The following SPRED2 variants were observed in gnomAD, a reference collection of about 807,000 sequenced individuals.
SPRED2 encodes the protein sprouty related EVH1 domain containing 2.
In SPRED2, 47 loss-of-function variants were observed where a neutral mutation model predicts 43.0. The observed-to-expected ratio is 1.09, with a 90% CI of 0.87 to 1.40. SPRED2 has a LOEUF of 1.40. SPRED2 is among the 40% of genes most tolerant of loss of function. SPRED2 has a pLI of 0.00. For synonymous variants in SPRED2, 225 were observed against 225.7 expected (o/e 1.00, Z 0.03); for missense variants, 561 against 586.4 (o/e 0.96, Z 0.45).
In SPRED2 at chr2:65,344,796, C is replaced by A; in HGVS notation, c.127G>T (p.Val43Phe). ...CCTTCGGGGTGCATGACCTTACAGA[C>A]CCCGACGCGACTGATCCCGCCTCCT... The part of the protein sequence containing the change: ...QEGGGISRVG[V>F]CKVMHPEGNG... Residue 43 changes from valine to phenylalanine, a missense_variant, in exon 2 of 6, where the codon GTC becomes TTC. Val to Phe is a conservative substitution (Grantham distance 50). Around this residue, in one of 6 missense-constraint regions of SPRED2, gnomAD observed 305 missense variants for 282.4 expected, o/e 1.08. Coordinates refer to ENST00000356388, the MANE Select transcript of SPRED2 (RefSeq NM_181784.3). 6.2e-7 allele frequency: 1 copy of A among 1,614,140 alleles called. No homozygotes were observed. Among genetic ancestry groups the A allele is most frequent in the Non-Finnish European group, 8.5e-7 (1 of 1,180,008 alleles).
chr2:65,334,470 G>T, intron 3 of SPRED2, 135 bp downstream of exon 3: 1 of 1,002,400 alleles, frequency 1.0e-6, no homozygotes, highest in Non-Finnish European at 1.5e-6. Flanking sequence ...AATTCCAAAA[G>T]TTTTGGCATC....
chr2:65,337,917 G>GT (rs1011734053), intron 2 of SPRED2, among the ~76,000 whole-genome samples: 13 of 151,994 alleles, frequency 8.6e-5, no homozygotes, highest in African/African-American at 2.4e-4. Context: ...AAAAAATGTA[G>GT]TTTTTTTGAT....
chr2:65,420,371 CAA>C (rs1353572230), intron 1 of SPRED2, among the ~76,000 whole-genome samples: 3 of 152,106 alleles, frequency 2.0e-5, no homozygotes, highest in African/African-American at 7.2e-5. Context: ...TGGGGGGAAA[CAA>C]AGGGGCCTCT....
chr2:65,416,906 G>A (rs1572903688), intron 1 of SPRED2, among the ~76,000 whole-genome samples: 2 of 152,224 alleles, frequency 1.3e-5, no homozygotes, highest in African/African-American at 4.8e-5. Context: ...CACTTTATTC[G>A]GAGTTAACCT....
chr2:65,318,058 G>A (rs1189385866), intron 4 of SPRED2, among the ~76,000 whole-genome samples: 2 of 152,128 alleles, frequency 1.3e-5, no homozygotes, highest in Non-Finnish European at 1.5e-5. Context: ...CTGCTGGGAG[G>A]TAAGTGAATC....
intron 2 of SPRED2, among the ~76,000 whole-genome samples, chr2:65,339,425 C>A (rs921410736): frequency 6.6e-6 from 1 of 151,330 alleles, no homozygotes; most frequent in Non-Finnish European, 1.5e-5. Flanking sequence ...TATGACCTTA[C>A]CCCCAACCCT....
intron 4 of SPRED2, among the ~76,000 whole-genome samples, chr2:65,319,712 T>C (rs1673356737): frequency 6.6e-6 from 1 of 152,014 alleles, no homozygotes; most frequent in Admixed American, 6.5e-5. Flanking sequence ...GTGTGAGTGC[T>C]TATGGTGTGC....
intron 1 of SPRED2, among the ~76,000 whole-genome samples, chr2:65,423,927 T>A (rs13002235): frequency 1.8e-3 from 279 of 152,166 alleles, no homozygotes; most frequent in Non-Finnish European, 3.5e-3. Context: ...GTAGCTGGGA[T>A]TACAGGCATG....
rs772801002 is a variant in SPRED2, at chr2:65,314,137, G to C, written c.621C>G (p.Phe207Leu). The C allele has an allele frequency of 1.9e-6, 3 of 1,601,738 alleles. No individual in the cohort carries two copies. Among genetic ancestry groups the C allele is most frequent in the South Asian group, 1.1e-5 (1 of 90,716 alleles). ...PMPRPYRQVS[F>L]PDDDEEIVRI... ...GCACGATCTCCTCGTCGTCGTCCGG[G>C]AAGCTCACCTGGCGGTAGGGCCTTG... Residue 207 changes from phenylalanine (F) to leucine (L), a missense_variant, in exon 6 of 6, where the codon TTC (phenylalanine) becomes TTG (leucine). Physicochemically the swap from Phe to Leu is conservative, Grantham distance 22. This residue lies in a region of SPRED2 where 305 missense variants were observed against 282.4 expected (regional missense o/e 1.08). Transcript: ENST00000356388.
intron 1 of SPRED2, among the ~76,000 whole-genome samples, chr2:65,362,719 G>A (rs1007918791): frequency 6.6e-6 from 1 of 152,046 alleles, no homozygotes; most frequent in Non-Finnish European, 1.5e-5. Flanking sequence ...TTAGCCAGGC[G>A]TGGTGGTGCA....
chr2:65,416,923 C>CAGTG (rs957931384), intron 1 of SPRED2, among the ~76,000 whole-genome samples: 2 of 152,170 alleles, frequency 1.3e-5, no homozygotes, highest in Admixed American at 1.3e-4. Flanking sequence ...ACCTATGGTG[C>CAGTG]AGTGGCCTTA....
intron 1 of SPRED2, among the ~76,000 whole-genome samples, chr2:65,363,231 C>T (rs1355885119): frequency 1.0e-5 from 1 of 98,820 alleles, no homozygotes; most frequent in Non-Finnish European, 1.9e-5. Context: ...AAGAGCAAAA[C>T]TCCGTCTCAA....
Position 65,317,444 on chromosome 2 carries a change from C to T in SPRED2, c.439-561G>A, listed in dbSNP as rs140336091. On this transcript the variant is annotated intron_variant, in intron 4 of 5. Coordinates refer to ENST00000356388, the MANE Select transcript of SPRED2 (RefSeq NM_181784.3). ...AGGAGAATTGTTTGAACCCGGGAAG[C>T]GGAGGCTGCAGTGAGCCAAGACTGA... 1.7e-3 allele frequency among the ~76,000 whole-genome samples: 265 copies of T among 152,102 alleles called. 1 individual carries two copies. Among genetic ancestry groups the T allele is most frequent in the Non-Finnish European group, 2.9e-3 (198 of 67,986 alleles).
In SPRED2 at chr2:65,313,399, C is replaced by T. The variant is rs1434816695; in HGVS notation, c.*102G>A. 4 of 1,505,204 alleles carry T rather than the reference C, an allele frequency of 2.7e-6. No homozygotes were observed. In the East Asian group the frequency reaches 6.8e-5, roughly 26 times the overall value. 93.2% of individuals were successfully genotyped at this position (1,505,204 alleles called of 1,614,324 possible). A position where few individuals can be genotyped will look rare whatever the true frequency, so the allele number is the denominator to read the frequency against. ...AGGGAGCTGGGAGGCCGCTTGCCCT[C>T]CTCGCTCCTTGGAGTGGAAGGGAGC... On this transcript the variant is annotated 3_prime_UTR_variant, in exon 6 of 6. Transcript: ENST00000356388.
intron 1 of SPRED2, among the ~76,000 whole-genome samples, chr2:65,398,684 G>A (rs953096540): frequency 1.3e-5 from 2 of 152,192 alleles, no homozygotes; most frequent in African/African-American, 4.8e-5. Flanking sequence ...CCTCACTCCT[G>A]CAAGAATGGC....
At chr2:65,350,520 T>C (rs2104285499) in intron 1 of SPRED2, among the ~76,000 whole-genome samples, 2 of 152,292 alleles carry the variant, frequency 1.3e-5, no homozygotes, top group South Asian at 4.2e-4. Flanking sequence ...TCTTTAGTTG[T>C]GTTATGAGCA....
chr2:65,316,674 G>T, intron 5 of SPRED2, 60 bp downstream of exon 5: 2 of 1,551,110 alleles, frequency 1.3e-6, no homozygotes, highest in African/African-American at 1.4e-5. Flanking sequence ...GGGGAAAGAG[G>T]CCATTCCAGA....
At chr2:65,329,047 G>A (rs114572519) in intron 4 of SPRED2, among the ~76,000 whole-genome samples, 3 of 152,314 alleles carry the variant, frequency 2.0e-5, no homozygotes, top group African/African-American at 7.2e-5. Context: ...TTGTCTTGGT[G>A]CTTTGGTTTT....
At chr2:65,388,635 C>T (rs1429652753) in intron 1 of SPRED2, among the ~76,000 whole-genome samples, 1 of 152,102 alleles carries the variant, frequency 6.6e-6, no homozygotes, top group African/African-American at 2.4e-5. Flanking sequence ...TCAGTCCCCT[C>T]CAGTGATTCT....
Sources: allele counts gnomAD v4.1 joint callset (sites outside exome capture counted in the v4.1 genomes callset), GRCh38; gene constraint gnomAD v4.1.1; regional missense constraint gnomAD v4.1.1; transcripts MANE v1.5; gene names NCBI Gene and HGNC (gene_info 2026-07-23, HGNC 2026-07-21).